Variants in SLCO4C1 observed in about 807,000 individuals in gnomAD.
SLCO4C1 encodes solute carrier organic anion transporter family member 4C1, also known as organic anion transporter M1.
Under a neutral mutation model 72.1 loss-of-function variants are expected in SLCO4C1, and 58 were observed. That is an observed-to-expected ratio of 0.80 (90% CI 0.65 to 1.00). The LOEUF is 1.00. Among genes scored for constraint, SLCO4C1 ranks in the 50% least tolerant of loss-of-function variants. The pLI is 0.00. For synonymous variants in SLCO4C1, 297 were observed against 312.5 expected (o/e 0.95, Z 0.52); for missense variants, 898 against 857.9 (o/e 1.05, Z -0.58).
intron 4 of SLCO4C1, among the ~76,000 whole-genome samples, chr5:102,263,171 C>G (rs947148514): frequency 1.3e-5 from 2 of 152,136 alleles, no homozygotes; most frequent in African/African-American, 4.8e-5. Context: ...TAAGTTAACA[C>G]TCAAAACATA....
chr5:102,248,250 G>A (rs886203479), intron 9 of SLCO4C1, among the ~76,000 whole-genome samples: 2 of 151,982 alleles, frequency 1.3e-5, no homozygotes, highest in African/African-American at 4.8e-5. Context: ...CTTATTAAAA[G>A]TATTATAAAT....
At chr5:102,287,125 TAAG>T in intron 2 of SLCO4C1, among the ~76,000 whole-genome samples, 3 of 152,118 alleles carry the variant, frequency 2.0e-5, no homozygotes, top group East Asian at 1.9e-4. Flanking sequence ...TTAAGTTACT[TAAG>T]AAGATTACAC....
Position 102,236,609 on chromosome 5 carries a change from T to TTC in SLCO4C1, c.*248_*249insGA, listed in dbSNP as rs1402194996. On this transcript the variant is annotated 3_prime_UTR_variant, in exon 13 of 13. Transcript: ENST00000310954. ...GTGTGTGTGTGTGTGTGTGTTCGTGTGTGTGTGTGTGTGTGTGCTCGTGTG... is the reference window on the plus strand; with the variant it reads ...GTGTGTGTGTGTGTGTGTGTTCGTGTTCGTGTGTGTGTGTGTGTGCTCGTGTG... 3.4e-4 allele frequency: 91 copies of TTC among 265,460 alleles called. No homozygotes were observed. Among genetic ancestry groups the TTC allele is most frequent in the South Asian group, 1.6e-3 (39 of 24,904 alleles). The allele number at this position is 265,460 out of a possible 1,614,324, so 16.4% of individuals were successfully genotyped here.
At chr5:102,263,629 T>C in intron 4 of SLCO4C1, 55 bp downstream of exon 4, 1 of 1,413,150 alleles carries the variant, frequency 7.1e-7, no homozygotes, top group Non-Finnish European at 1.0e-6. Context: ...TCTATGATGC[T>C]GGCATAATTA....
intron 4 of SLCO4C1, among the ~76,000 whole-genome samples, chr5:102,262,662 C>A (rs141428579): frequency 9.9e-4 from 150 of 152,116 alleles, no homozygotes; most frequent in African/African-American, 3.4e-3. Context: ...TTTGATATCC[C>A]AAAGTGCTAG....
chr5:102,247,582 AC>A (rs1748658629), intron 9 of SLCO4C1, 140 bp from the exon 10 acceptor site: 3 of 506,886 alleles, frequency 5.9e-6, no homozygotes, highest in Admixed American at 3.9e-5. Flanking sequence ...AGAATATTTA[AC>A]CCTTAAGAAA....
In SLCO4C1 at chr5:102,295,437, T is replaced by G. The variant is rs972647000; in HGVS notation, c.355+471A>C. Among the ~76,000 whole-genome samples, 6 of 152,230 alleles carry G rather than the reference T, an allele frequency of 3.9e-5. No homozygotes were observed. In the South Asian group the frequency reaches 6.2e-4, roughly 16 times the overall value. ...TCTAATTTATACGATAGATTTTTCATAGCTTTCTTCCTTGTAAGGCATCCC... is the reference window on the plus strand; with the variant it reads ...TCTAATTTATACGATAGATTTTTCAGAGCTTTCTTCCTTGTAAGGCATCCC... On this transcript the variant is annotated intron_variant, in intron 1 of 12. Coordinates refer to ENST00000310954, the MANE Select transcript of SLCO4C1 (RefSeq NM_180991.5).
intron 8 of SLCO4C1, among the ~76,000 whole-genome samples, chr5:102,253,839 C>T (rs978231581): frequency 6.6e-6 from 1 of 151,590 alleles, no homozygotes; most frequent in African/African-American, 2.4e-5. Flanking sequence ...CTATTCAGTA[C>T]TATGCTTGGT....
At chr5:102,283,941 A>G (rs1025071311) in intron 2 of SLCO4C1, among the ~76,000 whole-genome samples, 2 of 152,170 alleles carry the variant, frequency 1.3e-5, no homozygotes, top group Admixed American at 1.3e-4. Flanking sequence ...GACAAAAACC[A>G]AAAGTAGAAT....
rs1054640195 is a variant in SLCO4C1, at chr5:102,236,890, G to C, written c.2143C>G (p.Gln715Glu). The C allele has an allele frequency of 5.0e-6, 8 of 1,612,422 alleles. No homozygotes were observed. In the African/African-American group the frequency reaches 5.3e-5, roughly 11 times the overall value. The change falls in exon 13 of 13, where the codon CAG (glutamine) becomes GAG (glutamate). Residue 715 changes from glutamine to glutamate, a missense_variant. Physicochemically the swap from Gln to Glu is conservative, Grantham distance 29 (BLOSUM62 2). Transcript: ENST00000310954. Reference protein sequence around the residue: ...NAVVTNVLAEQDLNKIVKEG With the variant: ...NAVVTNVLAEEDLNKIVKEG ...TCTTTTACTATTTTGTTGAGATCCT[G>C]TTCTGCTAAAACATTAGTCACAACT... is the stretch of plus-strand genomic sequence containing the variant.
At position 102,237,034 on chromosome 5, in the gene SLCO4C1, A is replaced by C. The variant is rs779167323; in HGVS notation, c.2015-16T>G. The C allele has an allele frequency of 7.1e-6, 11 of 1,557,674 alleles. No homozygotes were observed. The highest frequency in any genetic ancestry group is 8.6e-6 in the Non-Finnish European group (10 of 1,161,136). On this transcript the variant is annotated splice_polypyrimidine_tract_variant and intron_variant, in intron 12 of 12. Coordinates refer to ENST00000310954, the MANE Select transcript of SLCO4C1 (RefSeq NM_180991.5). ...CAAGTAACACCTAAGTGAAAAAAAA[A>C]ATTAATCATGTGCTTTTGTTTTTAA...
chr5:102,244,734 C>T (rs1231684039), intron 10 of SLCO4C1, among the ~76,000 whole-genome samples: 1 of 152,080 alleles, frequency 6.6e-6, no homozygotes, highest in Non-Finnish European at 1.5e-5. Flanking sequence ...GAGAGAGTGG[C>T]AAGTCATATT....
In SLCO4C1 at chr5:102,234,942, T is replaced by A. The variant is rs1186200669; in HGVS notation, c.*1916A>T. 1 of 152,282 alleles carries A rather than the reference T, an allele frequency of 6.6e-6. No homozygotes were observed. Among genetic ancestry groups the A allele is most frequent in the Admixed American group, 6.5e-5 (1 of 15,282 alleles). 9.4% of individuals were successfully genotyped at this position (152,282 alleles called of 1,614,324 possible). ...ATTTCTTTGGTTGCTATAAATTTCCTGCTTCTCAAATATCTGGATTTTTGG... is the reference window on the plus strand; with the variant it reads ...ATTTCTTTGGTTGCTATAAATTTCCAGCTTCTCAAATATCTGGATTTTTGG... On this transcript the variant is annotated 3_prime_UTR_variant, in exon 13 of 13. Transcript: ENST00000310954.
chr5:102,241,136 C>T (rs902584694), intron 10 of SLCO4C1, among the ~76,000 whole-genome samples: 3 of 151,974 alleles, frequency 2.0e-5, no homozygotes, highest in Non-Finnish European at 4.4e-5. Context: ...CCAAATATAA[C>T]AAATCCACAG....
In SLCO4C1 at chr5:102,243,384, C is replaced by T. The variant is rs190621707; in HGVS notation, c.1812-2602G>A. Reference sequence around the variant, plus strand: ...TAACCATGGAGTAGTTACAAAAGACCTTGGAAAAGACCCAAAACTGTGCTG... The same window carrying T: ...TAACCATGGAGTAGTTACAAAAGACTTTGGAAAAGACCCAAAACTGTGCTG... On this transcript the variant is annotated intron_variant, in intron 10 of 12. Transcript: ENST00000310954. 6.6e-5 allele frequency among the ~76,000 whole-genome samples: 10 copies of T among 152,280 alleles called. No homozygotes were observed. The East Asian group carries it at 1.7e-3, about 27-fold the overall frequency.
chr5:102,294,540 T>C (rs1175258725), intron 1 of SLCO4C1, among the ~76,000 whole-genome samples: 4 of 152,226 alleles, frequency 2.6e-5, no homozygotes, highest in African/African-American at 7.2e-5. Context: ...TTTAAGATAA[T>C]ACACAAGATA....
In SLCO4C1 at chr5:102,280,091, A is replaced by C. The variant is rs939676570; in HGVS notation, c.620-9285T>G. On this transcript the variant is annotated intron_variant, in intron 2 of 12. Coordinates refer to ENST00000310954, the MANE Select transcript of SLCO4C1 (RefSeq NM_180991.5). Reference sequence around the variant, plus strand: ...GAAGTTCTAACCAGTGCAATAAGGCAAAAAAAAAAAAAAAAAAAAAAAAAA... The same window carrying C: ...GAAGTTCTAACCAGTGCAATAAGGCCAAAAAAAAAAAAAAAAAAAAAAAAA... Among the ~76,000 whole-genome samples, 9 of 23,602 alleles carry C rather than the reference A, an allele frequency of 3.8e-4. 1 individual carries two copies. In the East Asian group the frequency reaches 4.6e-3, roughly 12 times the overall value. 15.5% of individuals were successfully genotyped at this position (23,602 alleles called of 152,430 possible). A position where few individuals can be genotyped will look rare whatever the true frequency, so the allele number is the denominator to read the frequency against.
chr5:102,247,383 AG>A lies in SLCO4C1; in HGVS notation c.1679del (p.Thr560IlefsTer28), dbSNP rs781609642. 5.0e-6 allele frequency: 8 copies of A among 1,594,934 alleles called. No individual in the cohort carries two copies. The South Asian group carries it at 7.9e-5, about 16-fold the overall frequency. On this transcript the variant is annotated frameshift_variant, in exon 10 of 13. Transcript: ENST00000310954. LOFTEE classifies it high-confidence loss of function. ...TTCCAGCTTTAGCTTCAAAACCAAA[AG>A]TTTCTGCAGTGGATGTTATTTCTGT... is the stretch of plus-strand genomic sequence containing the variant. Reference protein sequence around the residue: ...RKTEITSTAETFGFEAKAGKC... With the variant: ...RKTEITSTAEXFGFEAKAGKC...
At chr5:102,282,788 T>C (rs1749381357) in intron 2 of SLCO4C1, among the ~76,000 whole-genome samples, 2 of 152,062 alleles carry the variant, frequency 1.3e-5, no homozygotes, top group African/African-American at 4.8e-5. Flanking sequence ...TAGTGTAGTT[T>C]ATGTATGACA....
Sources: gnomAD v4.1 joint callset for allele counts (sites outside exome capture counted in the v4.1 genomes callset) on GRCh38, gnomAD v4.1.1 for gene constraint, MANE v1.5 for transcripts, NCBI Gene and HGNC (gene_info 2026-07-23, HGNC 2026-07-21) for gene names.